The following FBXL18 variants were observed in gnomAD, a reference collection of about 807,000 sequenced individuals.
FBXL18 encodes the protein F-box/LRR-repeat protein 18.
A neutral mutation model predicts 46.0 loss-of-function variants in FBXL18; 36 were observed. The observed-to-expected ratio is 0.78, with a 90% CI of 0.60 to 1.03. The LOEUF is 1.03. Ranked by LOEUF, FBXL18 falls within the 50% of genes least tolerant of loss-of-function variation. The probability of loss-of-function intolerance (pLI) is 0.00; values close to 1 mark genes in which losing one functional copy is unlikely to be tolerated. For synonymous variants in FBXL18, 557 were observed against 465.3 expected, an observed-to-expected ratio of 1.20 and a Z score of -2.54; for missense variants, 977 against 1,004.1, an observed-to-expected ratio of 0.97 and a Z score of 0.36.
intron 3 of FBXL18, among the ~76,000 whole-genome samples, chr7:5,491,916 G>A (rs907671564): frequency 1.2e-4 from 18 of 152,014 alleles, no homozygotes; most frequent in Admixed American, 8.5e-4. Context: ...GCGGTAATCC[G>A]GGAGGCTGGT....
At chr7:5,489,201 T>A (rs1783849791) in intron 4 of FBXL18, 1 of 513,982 alleles carries the variant, frequency 1.9e-6, no homozygotes, top group Non-Finnish European at 3.9e-6. Flanking sequence ...TAGGGCTTTA[T>A]TTACTGACAC....
intron 4 of FBXL18, among the ~76,000 whole-genome samples, chr7:5,470,466 G>C (rs371770104): frequency 5.9e-5 from 9 of 152,178 alleles, no homozygotes; most frequent in African/African-American, 1.7e-4. Flanking sequence ...GAGCTGCCAC[G>C]AAACCCGAGA....
intron 4 of FBXL18, among the ~76,000 whole-genome samples, chr7:5,483,536 G>T (rs989601188): frequency 1.1e-4 from 16 of 152,094 alleles, no homozygotes; most frequent in Admixed American, 9.2e-4. Flanking sequence ...CCTGAGGTCG[G>T]GAGTTCGAGA....
intron 4 of FBXL18, 110 bp downstream of exon 4, chr7:5,491,121 G>A (rs1269466892): frequency 8.7e-6 from 9 of 1,028,872 alleles, no homozygotes; most frequent in East Asian, 5.2e-5. Flanking sequence ...CCTGGTGCTC[G>A]TCAATTCCAA....
In FBXL18 at chr7:5,505,470, G is replaced by A; in HGVS notation, c.179C>T (p.Ala60Val). 1 of 1,614,172 alleles carries A rather than the reference G, an allele frequency of 6.2e-7. No individual in the cohort carries two copies. The stretch of plus-strand genomic sequence containing the variant: ...GAGGCTCTTGTCAAGGCACAGGGCT[G>A]CAAGCTTCCGACAGGTACGCCGGAC... ...LNVRRTCRKL[A>V]ALCLDKSLIH... Residue 60 changes from alanine to valine, a missense_variant, in exon 2 of 5, where the codon GCA becomes GTA. Transcript: ENST00000382368.
chr7:5,510,132 T>C (rs1422826677), intron 1 of FBXL18, among the ~76,000 whole-genome samples: 1 of 151,250 alleles, frequency 6.6e-6, no homozygotes, highest in Non-Finnish European at 1.5e-5. Flanking sequence ...TGAAACCCCA[T>C]CTCGACTAAA....
intron 4 of FBXL18, among the ~76,000 whole-genome samples, chr7:5,484,596 A>G (rs1783728104): frequency 6.6e-6 from 1 of 151,084 alleles, no homozygotes; most frequent in Non-Finnish European, 1.5e-5. Flanking sequence ...CACTGAAGCC[A>G]GTAGCTGGGA....
intron 3 of FBXL18, 96 bp downstream of exon 3, chr7:5,500,392 C>A: frequency 1.7e-6 from 2 of 1,207,900 alleles, no homozygotes; most frequent in Non-Finnish European, 2.3e-6. Context: ...CTCTGCACTC[C>A]TGGAGGGCAG....
chr7:5,499,243 C>T (rs1784165240), intron 3 of FBXL18, among the ~76,000 whole-genome samples: 1 of 152,152 alleles, frequency 6.6e-6, no homozygotes, highest in South Asian at 2.1e-4. Context: ...CTCCCTCTCC[C>T]GGGTGAAACC....
chr7:5,508,132 G>A (rs1304908489), intron 1 of FBXL18, among the ~76,000 whole-genome samples: 2 of 152,032 alleles, frequency 1.3e-5, no homozygotes, highest in South Asian at 2.1e-4. Flanking sequence ...CAGGCGTGGT[G>A]GCATATGCCT....
chr7:5,502,169 T>C, intron 2 of FBXL18, 138 bp from the exon 3 acceptor site: 1 of 604,436 alleles, frequency 1.7e-6, no homozygotes, highest in Non-Finnish European at 2.9e-6. Flanking sequence ...GCTGCCTACC[T>C]GCCCGCACTC....
In FBXL18 at chr7:5,479,376, G is replaced by C. The variant is rs956973445; in HGVS notation, c.*2399C>G. 1 of 152,404 alleles carries C rather than the reference G, an allele frequency of 6.6e-6. No individual in the cohort carries two copies. The highest frequency in any genetic ancestry group is 2.4e-5 in the African/African-American group (1 of 41,460). 9.4% of individuals were successfully genotyped at this position (152,404 alleles called of 1,614,324 possible). On this transcript the variant is annotated 3_prime_UTR_variant, in exon 5 of 5. Transcript: ENST00000382368. Reference sequence around the variant, plus strand: ...GTTCTGGAGGAAGGAGTGGGGCGGAGCTGCGGTGCCCAGAGACACAGGCCC... The same window carrying C: ...GTTCTGGAGGAAGGAGTGGGGCGGACCTGCGGTGCCCAGAGACACAGGCCC...
chr7:5,505,308 G>T, intron 2 of FBXL18, 104 bp downstream of exon 2: 4 of 1,097,034 alleles, frequency 3.6e-6, no homozygotes, highest in Non-Finnish European at 5.3e-6. Context: ...TGGAGTTCCT[G>T]CCACCTTTAT....
Position 5,496,243 on chromosome 7 carries a change from C to T in FBXL18, c.1781+4245G>A, listed in dbSNP as rs1321740992. Among the ~76,000 whole-genome samples the T allele has an allele frequency of 6.6e-6, 1 of 152,162 alleles. No individual in the cohort carries two copies. The highest frequency in any genetic ancestry group is 1.9e-4 in the East Asian group (1 of 5,186). On this transcript the variant is annotated intron_variant, in intron 3 of 4. Transcript: ENST00000382368. This position sits in a 1 kb window ranked among gnomAD's most constrained non-coding sequence, Gnocchi z 4.8. ...GTTGAGAATATCAAAGGGGTCAAGA[C>T]CTGTACACCCATGAAAAGCACCTGG... is the stretch of plus-strand genomic sequence containing the variant.
In FBXL18 at chr7:5,477,893, T is replaced by G. The variant is rs1487516522; in HGVS notation, c.*3882A>C. 1 of 152,476 alleles carries G rather than the reference T, an allele frequency of 6.6e-6. No homozygotes were observed. Among genetic ancestry groups the G allele is most frequent in the Admixed American group, 6.5e-5 (1 of 15,280 alleles). 9.4% of individuals were successfully genotyped at this position (152,476 alleles called of 1,614,324 possible). On this transcript the variant is annotated 3_prime_UTR_variant, in exon 5 of 5. Transcript: ENST00000382368. This position sits in a 1 kb window ranked among gnomAD's most constrained non-coding sequence, Gnocchi z 4.4. ...CAAGGCCGGAGCACTGGTCTGGAGC[T>G]TCATTGGCCGGCAGGGGCCCAGCCC...
At chr7:5,494,238 C>T (rs1784013105) in intron 3 of FBXL18, among the ~76,000 whole-genome samples, 1 of 151,466 alleles carries the variant, frequency 6.6e-6, no homozygotes, top group Non-Finnish European at 1.5e-5. Flanking sequence ...CACCATTGCA[C>T]TCCAGCCTGG....
chr7:5,454,862 C>T (rs1231066565), intron 4 of FBXL18, among the ~76,000 whole-genome samples: 1 of 152,230 alleles, frequency 6.6e-6, no homozygotes, highest in Non-Finnish European at 1.5e-5. Flanking sequence ...CAGATGGCCA[C>T]CCGAGCTGCC....
intron 4 of FBXL18, among the ~76,000 whole-genome samples, chr7:5,484,624 C>T (rs555809206): frequency 9.9e-4 from 149 of 149,980 alleles, no homozygotes; most frequent in African/African-American, 2.6e-3. Context: ...CACACATCAC[C>T]ACACTGACCA....
intron 1 of FBXL18, among the ~76,000 whole-genome samples, chr7:5,508,292 C>T (rs564322982): frequency 4.8e-5 from 7 of 144,608 alleles, no homozygotes; most frequent in African/African-American, 1.8e-4. Context: ...GAAAAAAATA[C>T]AAAAATTATC....
Sources: allele counts gnomAD v4.1 joint callset (sites outside exome capture counted in the v4.1 genomes callset), GRCh38; gene constraint gnomAD v4.1.1; non-coding constraint Gnocchi (gnomAD v3.1); transcripts MANE v1.5; gene names NCBI Gene and HGNC (gene_info 2026-07-23, HGNC 2026-07-21).